The following ZMYM1 variants were observed in gnomAD, a reference collection of about 807,000 sequenced individuals.
ZMYM1 encodes zinc finger MYM-type containing 1, also known as zinc finger MYM-type protein 1.
Under a neutral mutation model 60.0 loss-of-function variants are expected in ZMYM1, and 39 were observed. The ratio of observed to expected loss-of-function variants is 0.65; its 90% CI spans 0.50 to 0.85. The LOEUF (loss-of-function observed/expected upper bound fraction) is 0.85, where lower values mean the gene tolerates loss of function less well. Ranked by LOEUF, ZMYM1 falls within the 40% of genes least tolerant of loss-of-function variation. The pLI is 0.00. For missense variants in ZMYM1, 1,171 were observed against 1,309.5 expected, an observed-to-expected ratio of 0.89 and a Z score of 1.63; for synonymous variants, 413 against 454.0, an observed-to-expected ratio of 0.91 and a Z score of 1.15.
At chr1:35,063,120 C>T (rs1027797820) in intron 1 of ZMYM1, among the ~76,000 whole-genome samples, 1 of 148,244 alleles carries the variant, frequency 6.7e-6, no homozygotes, top group Non-Finnish European at 1.5e-5. Context: ...ATAGGTCAAG[C>T]CTTTTCTTTT....
chr1:35,095,035 C>T (rs956844339), intron 2 of ZMYM1, among the ~76,000 whole-genome samples: 15 of 152,126 alleles, frequency 9.9e-5, no homozygotes, highest in African/African-American at 3.6e-4. Flanking sequence ...TGTTACTCAT[C>T]TAGGAACTAT....
Position 35,112,943 on chromosome 1 carries a change from CTG to C in ZMYM1, c.1147-32_1147-31del. 3 of 1,464,906 alleles carry C rather than the reference CTG, an allele frequency of 2.0e-6. No individual in the cohort carries two copies. The South Asian group carries it at 4.7e-5, about 23-fold the overall frequency. The allele number at this position is 1,464,906 out of a possible 1,614,324, so 90.7% of individuals were successfully genotyped here. On this transcript the variant is annotated intron_variant, in intron 9 of 9. Transcript: ENST00000359858. The stretch of plus-strand genomic sequence containing the variant: ...TGATATTTTAATTAATTTTTGAAAA[CTG>C]TTAAATGTTCTTTTCTCATTTTCTC...
chr1:35,067,785 G>A (rs1429841994), intron 1 of ZMYM1, among the ~76,000 whole-genome samples: 1 of 151,726 alleles, frequency 6.6e-6, no homozygotes, highest in African/African-American at 2.4e-5. Context: ...TAGGGAGGGA[G>A]AGTAACTTGG....
At chr1:35,088,434 G>GTATATATATATATATATATATA (rs58346528) in intron 1 of ZMYM1, among the ~76,000 whole-genome samples, 7 of 68,040 alleles carry the variant, frequency 1.0e-4, no homozygotes, top group South Asian at 8.1e-4. Flanking sequence ...GTGTTTATGT[G>GTATATATATATATATATATATA]TATATATATA....
downstream of ZMYM1, among the ~76,000 whole-genome samples, chr1:35,118,236 C>T (rs1338997448): frequency 4.7e-5 from 5 of 107,152 alleles, no homozygotes; most frequent in Admixed American, 2.9e-4. Flanking sequence ...AGTGAAACTC[C>T]GTCTCAAAAA....
At chr1:35,072,243 C>A (rs1043337907) in intron 1 of ZMYM1, among the ~76,000 whole-genome samples, 1 of 152,136 alleles carries the variant, frequency 6.6e-6, no homozygotes, top group Non-Finnish European at 1.5e-5. Flanking sequence ...TCAATTTCCT[C>A]ACTCATTTTT....
chr1:35,083,799 C>G (rs1016666380), intron 1 of ZMYM1, among the ~76,000 whole-genome samples: 1 of 151,738 alleles, frequency 6.6e-6, no homozygotes, highest in Non-Finnish European at 1.5e-5. Flanking sequence ...TTTCTAATTT[C>G]TTTGTAGAGA....
intron 4 of ZMYM1, among the ~76,000 whole-genome samples, chr1:35,098,598 A>G (rs757324410): frequency 6.6e-6 from 1 of 152,180 alleles, no homozygotes; most frequent in East Asian, 1.9e-4. Flanking sequence ...GCATCACCCA[A>G]GAGTTTGTTA....
At chr1:35,093,770 G>C (rs1266318410) in intron 1 of ZMYM1, 144 bp from the exon 2 acceptor site, 1 of 365,838 alleles carries the variant, frequency 2.7e-6, no homozygotes, top group Non-Finnish European at 5.0e-6. Flanking sequence ...GAAGAATAAT[G>C]GATGAAAGGA....
chr1:35,060,204 T>A (rs1379242058), intron 1 of ZMYM1, among the ~76,000 whole-genome samples: 1 of 150,910 alleles, frequency 6.6e-6, no homozygotes, highest in Non-Finnish European at 1.5e-5. Flanking sequence ...AGTTTCGCTC[T>A]TGTTGCCCAG....
intron 1 of ZMYM1, among the ~76,000 whole-genome samples, chr1:35,068,349 G>C (rs1642007786): frequency 6.7e-6 from 1 of 150,216 alleles, no homozygotes; most frequent in Admixed American, 6.6e-5. Context: ...AACCCGGGAG[G>C]CAGAGGTTGC....
intron 7 of ZMYM1, among the ~76,000 whole-genome samples, chr1:35,111,287 C>T (rs934110490): frequency 6.6e-6 from 1 of 152,154 alleles, no homozygotes; most frequent in African/African-American, 2.4e-5. Context: ...TTTACATAGA[C>T]CATAGAGTGA....
chr1:35,088,434 GTATATATATATA>G (rs58346528), intron 1 of ZMYM1, among the ~76,000 whole-genome samples: 11 of 68,032 alleles, frequency 1.6e-4, no homozygotes, highest in African/African-American at 4.9e-4. Flanking sequence ...GTGTTTATGT[GTATATATATATA>G]TATATATATG....
rs917903249 is a variant in ZMYM1 at position 35,100,580 on chromosome 1, C to T, written c.419+3014C>T. Among the ~76,000 whole-genome samples the T allele has an allele frequency of 7.3e-5, 11 of 150,354 alleles. No individual in the cohort carries two copies. In the East Asian group the frequency reaches 1.4e-3, roughly 19 times the overall value. On this transcript the variant is annotated intron_variant, in intron 4 of 9. Coordinates refer to ENST00000359858, the MANE Select transcript of ZMYM1 (RefSeq NM_024772.5). ...GAGGTTGCAGTGAGCTGAGATTGTA[C>T]GACTGCACTCCAGCCTGGGCAACGG...
At chr1:35,084,553 C>T (rs1402908646) in intron 1 of ZMYM1, among the ~76,000 whole-genome samples, 1 of 152,198 alleles carries the variant, frequency 6.6e-6, no homozygotes, top group Non-Finnish European at 1.5e-5. Context: ...TGGAAGTGGT[C>T]TCTTTTCCTC....
At position 35,113,166 on chromosome 1, in the gene ZMYM1, G is replaced by A. The variant is rs1243629490; in HGVS notation, c.1336G>A (p.Val446Ile). ...ELCHPKCTSK[V>I]QKVKGKSRSI... Reference sequence around the variant, plus strand: ...ATGTCACCCAAAATGTACATCCAAAGTACAAAAAGTTAAAGGTAAATCACG... The same window carrying A: ...ATGTCACCCAAAATGTACATCCAAAATACAAAAAGTTAAAGGTAAATCACG... Residue 446 changes from valine to isoleucine, a missense_variant, in exon 10 of 10, where the codon GTA becomes ATA. Transcript: ENST00000359858. The A allele has an allele frequency of 1.9e-6, 3 of 1,613,566 alleles. No homozygotes were observed. The Admixed American group carries it at 5.0e-5, about 27-fold the overall frequency.
chr1:35,103,286 C>T lies in ZMYM1; in HGVS notation c.420-1009C>T, dbSNP rs183959926. 3.9e-5 allele frequency among the ~76,000 whole-genome samples: 6 copies of T among 152,300 alleles called. No individual in the cohort carries two copies. The East Asian group carries it at 1.2e-3, about 29-fold the overall frequency. ...TCCCTCTCCCCCCAGTGCCTGTCAA[C>T]CACCAGTATGCATTATATCTATAGA... On this transcript the variant is annotated intron_variant, in intron 4 of 9. Transcript: ENST00000359858.
Position 35,111,083 on chromosome 1 carries a change from A to G in ZMYM1, c.961+636A>G, listed in dbSNP as rs189423828. 2.1e-3 allele frequency among the ~76,000 whole-genome samples: 313 copies of G among 152,352 alleles called. 1 individual carries two copies. The highest frequency in any genetic ancestry group is 7.0e-3 in the African/African-American group (293 of 41,584). ...ACTTGGTCAATATAGAGTTTAATAC[A>G]TTTACAAGACTGCTTTTATTAGAAT... On this transcript the variant is annotated intron_variant, in intron 7 of 9. Coordinates refer to ENST00000359858, the MANE Select transcript of ZMYM1 (RefSeq NM_024772.5).
chr1:35,077,069 A>C (rs1642181454), upstream of ZMYM1, among the ~76,000 whole-genome samples: 1 of 152,182 alleles, frequency 6.6e-6, no homozygotes, highest in Non-Finnish European at 1.5e-5. Flanking sequence ...AGAAAGACGC[A>C]TGAAACTTGT....
Sources: gnomAD v4.1 joint callset for allele counts (sites outside exome capture counted in the v4.1 genomes callset) on GRCh38, gnomAD v4.1.1 for gene constraint, MANE v1.5 for transcripts, NCBI Gene and HGNC (gene_info 2026-07-23, HGNC 2026-07-21) for gene names.